The following OPCML variants were observed in gnomAD, a reference collection of about 807,000 sequenced individuals.
OPCML encodes opioid binding protein/cell adhesion molecule like.
A neutral mutation model predicts 37.8 loss-of-function variants in OPCML; 13 were observed. The observed-to-expected ratio is 0.34, with a 90% CI of 0.22 to 0.55. The LOEUF (loss-of-function observed/expected upper bound fraction) is 0.55. OPCML is among the 20% of genes least tolerant of loss of function. OPCML has a pLI of 0.91. For missense variants in OPCML, 341 were observed against 435.6 expected, an observed-to-expected ratio of 0.78 and a Z score of 1.93; for synonymous variants, 176 against 168.8, an observed-to-expected ratio of 1.04 and a Z score of -0.33.
intron 1 of OPCML, among the ~76,000 whole-genome samples, chr11:133,334,536 T>G (rs1289790056): frequency 1.3e-5 from 2 of 152,150 alleles, no homozygotes; most frequent in East Asian, 3.9e-4. Flanking sequence ...AAAAGATAAC[T>G]ATTGGGTACT....
intron 7 of OPCML, among the ~76,000 whole-genome samples, chr11:132,434,961 C>T (rs1392044424): frequency 6.6e-6 from 1 of 152,136 alleles, no homozygotes; most frequent in African/African-American, 2.4e-5. Context: ...TAAAGCTATT[C>T]CACAGAGTGC....
chr11:132,802,979 T>G (rs1439571956), intron 2 of OPCML, among the ~76,000 whole-genome samples: 2 of 152,182 alleles, frequency 1.3e-5, no homozygotes, highest in African/African-American at 4.8e-5. Context: ...ATAACTTCTT[T>G]CTTCAGATGA....
At chr11:133,032,138 T>A (rs1256651075) in intron 1 of OPCML, among the ~76,000 whole-genome samples, 2 of 152,174 alleles carry the variant, frequency 1.3e-5, no homozygotes, top group Non-Finnish European at 2.9e-5. Flanking sequence ...CTTCCTCTCA[T>A]CCTTCCACAT....
chr11:133,032,337 G>A (rs1457259789), intron 1 of OPCML, among the ~76,000 whole-genome samples: 3 of 152,124 alleles, frequency 2.0e-5, no homozygotes, highest in Non-Finnish European at 4.4e-5. Flanking sequence ...AGCACAGAAC[G>A]GTGAGGTCCA....
chr11:132,895,551 G>A (rs991220913), intron 2 of OPCML, among the ~76,000 whole-genome samples: 1 of 152,230 alleles, frequency 6.6e-6, no homozygotes, highest in Admixed American at 6.5e-5. Flanking sequence ...GTTAAAGTGA[G>A]GCCATTGGTT....
intron 2 of OPCML, among the ~76,000 whole-genome samples, chr11:132,718,696 T>C (rs553234231): frequency 3.9e-5 from 6 of 152,228 alleles, no homozygotes; most frequent in African/African-American, 1.2e-4. Flanking sequence ...AGGACAGCAA[T>C]GCTCTCACTG....
At position 133,212,050 on chromosome 11, in the gene OPCML, C is replaced by T. The variant is rs972833809; in HGVS notation, c.62-269040G>A. Among the ~76,000 whole-genome samples the T allele has an allele frequency of 1.3e-5, 2 of 149,646 alleles. No individual in the cohort carries two copies. The highest frequency in any genetic ancestry group is 6.6e-5 in the Admixed American group (1 of 15,200). On this transcript the variant is annotated intron_variant, in intron 1 of 7. Coordinates refer to ENST00000524381, the MANE Select transcript of OPCML (RefSeq NM_001012393.5). This position sits in a 1 kb window ranked among gnomAD's most constrained non-coding sequence, Gnocchi z 4.9. ...CAGCTGTCACTTTTACAATCTCCAT[C>T]ACTCTAAGCAGAGCCTTTAAAGGGG...
At chr11:133,404,657 C>A (rs1945488556) in intron 1 of OPCML, among the ~76,000 whole-genome samples, 1 of 152,214 alleles carries the variant, frequency 6.6e-6, no homozygotes, top group African/African-American at 2.4e-5. Flanking sequence ...ATAAGAGAAG[C>A]ATAAACCAAG....
chr11:133,008,459 G>A (rs1947154374), intron 1 of OPCML: 1 of 975,672 alleles, frequency 1.0e-6, no homozygotes, highest in African/African-American at 1.8e-5. Context: ...ATGCCATGAT[G>A]CAGTCCCCAG....
intron 3 of OPCML, among the ~76,000 whole-genome samples, chr11:132,656,430 G>A (rs7116113): frequency 0.11 from 17,024 of 152,150 alleles, 1,825 homozygotes; most frequent in African/African-American, 0.29. Flanking sequence ...GTCGATTCAA[G>A]TTTTTAAAGG....
At chr11:133,476,506 G>A (rs527756954) in intron 1 of OPCML, among the ~76,000 whole-genome samples, 15 of 152,120 alleles carry the variant, frequency 9.9e-5, no homozygotes, top group East Asian at 9.7e-4. Flanking sequence ...GCAATCATTC[G>A]TAGTGAATTT....
At chr11:132,725,494 C>T (rs1944845986) in intron 2 of OPCML, among the ~76,000 whole-genome samples, 1 of 152,208 alleles carries the variant, frequency 6.6e-6, no homozygotes, top group Non-Finnish European at 1.5e-5. Flanking sequence ...TGCTGGAGAA[C>T]ATTTTCCCCA....
intron 4 of OPCML, among the ~76,000 whole-genome samples, chr11:132,526,887 T>A (rs1356544309): frequency 2.0e-5 from 3 of 152,156 alleles, no homozygotes; most frequent in Admixed American, 6.6e-5. Flanking sequence ...CCGTCACTTC[T>A]CCCCTAATCC....
intron 1 of OPCML, among the ~76,000 whole-genome samples, chr11:133,288,532 C>T (rs533643711): frequency 3.9e-5 from 6 of 152,168 alleles, no homozygotes; most frequent in Admixed American, 1.3e-4. Context: ...TGGACTGTTG[C>T]GGTGTAAGGC....
chr11:133,243,975 G>C (rs1226927251), intron 1 of OPCML, among the ~76,000 whole-genome samples: 1 of 152,184 alleles, frequency 6.6e-6, no homozygotes, highest in Non-Finnish European at 1.5e-5. Context: ...TGCTTTGGGA[G>C]AGGGGTGGAC....
chr11:133,341,845 G>A (rs889529167), intron 1 of OPCML, among the ~76,000 whole-genome samples: 1 of 152,130 alleles, frequency 6.6e-6, no homozygotes, highest in Non-Finnish European at 1.5e-5. Context: ...TTGAACTTGG[G>A]AGGTGGAGGT....
At chr11:133,163,016 A>T (rs1242671233) in intron 1 of OPCML, among the ~76,000 whole-genome samples, 1 of 152,260 alleles carries the variant, frequency 6.6e-6, no homozygotes, top group Non-Finnish European at 1.5e-5. Flanking sequence ...CGACGTCATT[A>T]CAAAGATGCA....
chr11:133,284,707 G>A (rs549792706), intron 1 of OPCML, among the ~76,000 whole-genome samples: 5 of 152,252 alleles, frequency 3.3e-5, no homozygotes, highest in South Asian at 4.1e-4. Context: ...AAAGACCACT[G>A]GCCTTAGAAC....
At chr11:132,990,752 G>T (rs1018357672) in intron 1 of OPCML, among the ~76,000 whole-genome samples, 1 of 152,194 alleles carries the variant, frequency 6.6e-6, no homozygotes, top group Non-Finnish European at 1.5e-5. Context: ...GATTTTAGTT[G>T]TGTGACCTAG....
Sources: gnomAD v4.1 joint callset for allele counts (sites outside exome capture counted in the v4.1 genomes callset) on GRCh38, gnomAD v4.1.1 for gene constraint, Gnocchi (gnomAD v3.1) non-coding constraint, MANE v1.5 for transcripts, NCBI Gene and HGNC (gene_info 2026-07-23, HGNC 2026-07-21) for gene names.